Variants in PIBF1 observed in about 807,000 individuals in gnomAD.
PIBF1 encodes the protein progesterone-induced-blocking factor 1.
Under a neutral mutation model 112.5 loss-of-function variants are expected in PIBF1, and 90 were observed. The observed-to-expected ratio is 0.80, with a 90% CI of 0.67 to 0.95. The LOEUF (loss-of-function observed/expected upper bound fraction) is 0.95. Ranked by LOEUF, PIBF1 falls within the 40% of genes least tolerant of loss-of-function variation. The pLI, the probability that PIBF1 is intolerant of heterozygous loss-of-function variation, is 0.00. For synonymous variants in PIBF1, 301 were observed against 288.6 expected, an observed-to-expected ratio of 1.04 and a Z score of -0.44; for missense variants, 915 against 852.3, an observed-to-expected ratio of 1.07 and a Z score of -0.92.
At chr13:72,891,249 G>A (rs373708685) in intron 10 of PIBF1, among the ~76,000 whole-genome samples, 1 of 151,990 alleles carries the variant, frequency 6.6e-6, no homozygotes, top group Non-Finnish European at 1.5e-5. Flanking sequence ...GCAACATCCC[G>A]AATCCATAAA....
intron 11 of PIBF1, among the ~76,000 whole-genome samples, chr13:72,907,640 T>C (rs1168130924): frequency 6.6e-6 from 1 of 152,076 alleles, no homozygotes; most frequent in Non-Finnish European, 1.5e-5. Flanking sequence ...GTCAAAGCCA[T>C]ATTGAAATCC....
intron 16 of PIBF1, among the ~76,000 whole-genome samples, chr13:72,991,719 ATT>A (rs762467681): frequency 3.2e-4 from 44 of 135,748 alleles, no homozygotes; most frequent in Non-Finnish European, 3.4e-4. Flanking sequence ...CCCCATCTCA[ATT>A]TTTTTTTTTT....
Position 72,893,912 on chromosome 13 carries a change from G to A in PIBF1, c.1451G>A (p.Cys484Tyr), listed in dbSNP as rs114546110. ...GAAACAGCAAGAAATCTCACACAGT[G>A]TCAATTGGAATGTGAAAAATATCAG... ...QEETARNLTQ[C>Y]QLECEKYQKK... Residue 484 changes from cysteine (C) to tyrosine (Y), a missense_variant, in exon 11 of 18, where the codon TGT (cysteine) becomes TAT (tyrosine). Physicochemically the swap from Cys to Tyr is radical, Grantham distance 194. Coordinates refer to ENST00000326291, the MANE Select transcript of PIBF1 (RefSeq NM_006346.4). The A allele has an allele frequency of 8.0e-5, 128 of 1,607,296 alleles. No homozygotes were observed. The East Asian group carries it at 2.9e-3, about 36-fold the overall frequency.
intron 11 of PIBF1, among the ~76,000 whole-genome samples, chr13:72,903,347 A>G (rs1012958776): frequency 1.3e-5 from 2 of 152,188 alleles, no homozygotes; most frequent in East Asian, 1.9e-4. Context: ...TTGAATTGAT[A>G]GTATGCAGTA....
intron 9 of PIBF1, among the ~76,000 whole-genome samples, chr13:72,844,789 A>ACACACACACACACACGCG (rs1594035467): frequency 8.4e-6 from 1 of 119,562 alleles, no homozygotes; most frequent in African/African-American, 3.8e-5. Flanking sequence ...ACACACACAC[A>ACACACACACACACACGCG]CACACACACA....
rs564340736 is a variant in PIBF1 at position 72,828,499 on chromosome 13, T to C, written c.1097+585T>C. On this transcript the variant is annotated intron_variant, in intron 8 of 17. Transcript: ENST00000326291. ...TGTCCACGTGTTCTCATTGTTCAACTCCCGCTTATGAGTGAGAACATACGG... is the reference window on the plus strand; with the variant it reads ...TGTCCACGTGTTCTCATTGTTCAACCCCCGCTTATGAGTGAGAACATACGG... 3.9e-5 allele frequency among the ~76,000 whole-genome samples: 6 copies of C among 152,194 alleles called. No homozygotes were observed. The South Asian group carries it at 1.2e-3, about 32-fold the overall frequency.
intron 10 of PIBF1, among the ~76,000 whole-genome samples, chr13:72,876,252 G>T (rs921887918): frequency 1.3e-5 from 2 of 148,510 alleles, no homozygotes; most frequent in Admixed American, 6.9e-5. Flanking sequence ...TTGACTGTGC[G>T]GGTCTATTTC....
At chr13:72,973,510 T>G in intron 15 of PIBF1, 81 bp from the exon 16 acceptor site, 5 of 684,626 alleles carry the variant, frequency 7.3e-6, no homozygotes. Flanking sequence ...AGATTCATGT[T>G]TATTCTTTTA....
At chr13:72,971,476 T>G (rs966598849) in intron 15 of PIBF1, among the ~76,000 whole-genome samples, 5 of 152,166 alleles carry the variant, frequency 3.3e-5, no homozygotes, top group Non-Finnish European at 5.9e-5. Flanking sequence ...TTATACTGTT[T>G]TGTTCTTTTC....
At chr13:72,787,006 T>A (rs1018526432) in intron 2 of PIBF1, among the ~76,000 whole-genome samples, 1 of 152,168 alleles carries the variant, frequency 6.6e-6, no homozygotes, top group Non-Finnish European at 1.5e-5. Flanking sequence ...ATTTTAGAGA[T>A]GTTAAAATGT....
At chr13:72,887,234 CAGT>C (rs1214639325) in intron 10 of PIBF1, among the ~76,000 whole-genome samples, 1 of 151,510 alleles carries the variant, frequency 6.6e-6, no homozygotes, top group East Asian at 1.9e-4. Flanking sequence ...CAATAGGTAG[CAGT>C]AATGCACAAA....
In PIBF1 at chr13:72,998,857, G is replaced by C. The variant is rs755864697; in HGVS notation, c.2085G>C (p.Met695Ile). The C allele has an allele frequency of 1.9e-6, 3 of 1,612,100 alleles. No individual in the cohort carries two copies. The highest frequency in any genetic ancestry group is 2.2e-5 in the South Asian group (2 of 90,810). ...CAATGAAACAGATTCTCGTTAAGATGCATAGTAAACATTCTGAGAACAGCT... is the reference window on the plus strand; with the variant it reads ...CAATGAAACAGATTCTCGTTAAGATCCATAGTAAACATTCTGAGAACAGCT... ...LAAMKQILVK[M>I]HSKHSENSLL... The change falls in exon 17 of 18, where the codon ATG becomes ATC. Residue 695 changes from methionine to isoleucine, a missense_variant. By Grantham distance (10) the Met-to-Ile change is conservative. Coordinates refer to ENST00000326291, the MANE Select transcript of PIBF1 (RefSeq NM_006346.4).
intron 15 of PIBF1, among the ~76,000 whole-genome samples, chr13:72,971,620 C>T (rs1170601659): frequency 6.6e-6 from 1 of 152,158 alleles, no homozygotes; most frequent in Non-Finnish European, 1.5e-5. Context: ...AAATTAGTAA[C>T]ACTGTATAAC....
At chr13:72,788,686 T>C (rs1439886278) in intron 2 of PIBF1, among the ~76,000 whole-genome samples, 2 of 152,162 alleles carry the variant, frequency 1.3e-5, no homozygotes, top group African/African-American at 2.4e-5. Context: ...TTGACTAACA[T>C]TGTATAGCAT....
chr13:72,801,201 T>C (rs2035453373), intron 5 of PIBF1, among the ~76,000 whole-genome samples: 1 of 152,124 alleles, frequency 6.6e-6, no homozygotes, highest in Admixed American at 6.5e-5. Context: ...TGCAGGATTT[T>C]GGAAAGAGGT....
At position 72,973,596 on chromosome 13, in the gene PIBF1, TAA is replaced by T. The variant is rs774671946; in HGVS notation, c.1972_1973del (p.Asn658Ter). 6.5e-6 allele frequency: 10 copies of T among 1,542,248 alleles called. No homozygotes were observed. In the African/African-American group the frequency reaches 1.3e-4, roughly 19 times the overall value. On this transcript the variant is annotated frameshift_variant, in exon 16 of 18. Coordinates refer to ENST00000326291, the MANE Select transcript of PIBF1 (RefSeq NM_006346.4). LOFTEE classifies it high-confidence loss of function. ...ACTGGGGTTTTTTTTTTCAGCAACT[TAA>T]ATAAAGAAAAGTCAGCTTTACTACA...
chr13:72,847,933 A>C (rs768037003), intron 9 of PIBF1, among the ~76,000 whole-genome samples: 2 of 152,236 alleles, frequency 1.3e-5, no homozygotes, highest in Non-Finnish European at 2.9e-5. Flanking sequence ...TGATAAATTC[A>C]AACACTTTTC....
chr13:72,917,170 A>G lies in PIBF1; in HGVS notation c.1730+4A>G. 2 of 1,522,318 alleles carry G rather than the reference A, an allele frequency of 1.3e-6. No individual in the cohort carries two copies. Among genetic ancestry groups the G allele is most frequent in the Admixed American group, 1.9e-5 (1 of 51,686 alleles). 94.3% of individuals were successfully genotyped at this position (1,522,318 alleles called of 1,614,324 possible). Reference sequence around the variant, plus strand: ...CCAAAAGACGACTAAAGCAAAGGTAAAATCAATATATATTTATTTTATTTA... The same window carrying G: ...CCAAAAGACGACTAAAGCAAAGGTAGAATCAATATATATTTATTTTATTTA... On this transcript the variant is annotated splice_donor_region_variant and intron_variant, in intron 13 of 17. Transcript: ENST00000326291.
In PIBF1 at chr13:72,936,087, G is replaced by A. The variant is rs549588211; in HGVS notation, c.1833+4820G>A. 7.2e-4 allele frequency among the ~76,000 whole-genome samples: 110 copies of A among 152,060 alleles called. 1 individual carries two copies. The highest frequency in any genetic ancestry group is 2.6e-3 in the African/African-American group (109 of 41,506). ...CTGTTGCCCAGGTTGGAGCGCAGTGGTGTAATCATAGCTCATTGCAGCCTC... is the reference window on the plus strand; with the variant it reads ...CTGTTGCCCAGGTTGGAGCGCAGTGATGTAATCATAGCTCATTGCAGCCTC... On this transcript the variant is annotated intron_variant, in intron 14 of 17. Coordinates refer to ENST00000326291, the MANE Select transcript of PIBF1 (RefSeq NM_006346.4).
Sources: gnomAD v4.1 joint callset for allele counts (sites outside exome capture counted in the v4.1 genomes callset) on GRCh38, gnomAD v4.1.1 for gene constraint, MANE v1.5 for transcripts, NCBI Gene and HGNC (gene_info 2026-07-23, HGNC 2026-07-21) for gene names.